Variants in COP1 observed in about 807,000 individuals in gnomAD.
COP1 encodes the protein E3 ubiquitin-protein ligase COP1.
In COP1, 24 loss-of-function variants were observed where a neutral mutation model predicts 101.3. The observed-to-expected ratio is 0.24, with a 90% CI of 0.17 to 0.33. The LOEUF is 0.33. Among genes scored for constraint, COP1 ranks in the 10% least tolerant of loss-of-function variants. The pLI is 1.00. For missense variants in COP1, 663 were observed against 906.2 expected, an observed-to-expected ratio of 0.73 and a Z score of 3.45; for synonymous variants, 347 against 341.9, an observed-to-expected ratio of 1.01 and a Z score of -0.17.
intron 15 of COP1, among the ~76,000 whole-genome samples, chr1:175,996,649 C>G (rs375468853): frequency 3.9e-5 from 6 of 151,980 alleles, no homozygotes; most frequent in Non-Finnish European, 8.8e-5. Context: ...CCATTCACAA[C>G]TGCTTCAAAG....
intron 13 of COP1, 117 bp downstream of exon 13, chr1:176,043,593 T>C: frequency 2.8e-6 from 2 of 704,234 alleles, no homozygotes; most frequent in South Asian, 1.8e-5. Context: ...GTTACACAGG[T>C]ATAAAAAATA....
At chr1:176,132,586 A>G (rs550219593) in intron 8 of COP1, among the ~76,000 whole-genome samples, 246 of 140,386 alleles carry the variant, frequency 1.8e-3, no homozygotes, top group African/African-American at 6.1e-3. Context: ...CTATATATAC[A>G]CACATATACA....
rs1349687644 is a variant in COP1 at position 175,987,056 on chromosome 1, T to C, written c.2020A>G (p.Thr674Ala). 9 of 1,586,598 alleles carry C rather than the reference T, an allele frequency of 5.7e-6. No individual in the cohort carries two copies. The highest frequency in any genetic ancestry group is 7.8e-6 in the Non-Finnish European group (9 of 1,156,934). ...GTATCAAACTTAAAAGTTAGCAAAG[T>C]CTTAGAAAGTCCTTTATAGTACAGG... ...LYLYYKGLSK[T>A]LLTFKFDTVK... is the part of the protein sequence containing the mutation. Residue 674 changes from threonine to alanine, a missense_variant, in exon 18 of 20, where the codon ACT becomes GCT. Coordinates refer to ENST00000367669, the MANE Select transcript of COP1 (RefSeq NM_022457.7).
intron 11 of COP1, among the ~76,000 whole-genome samples, chr1:176,052,900 C>A (rs116605721): frequency 6.6e-6 from 1 of 152,018 alleles, no homozygotes; most frequent in Admixed American, 6.6e-5. Flanking sequence ...ATGAGAGCAA[C>A]CTCATTTTTG....
At chr1:176,174,315 A>G (rs1696603540) in intron 3 of COP1, among the ~76,000 whole-genome samples, 1 of 152,186 alleles carries the variant, frequency 6.6e-6, no homozygotes, top group Non-Finnish European at 1.5e-5. Context: ...CCAAATTTAC[A>G]AGCACAGGGA....
intron 3 of COP1, among the ~76,000 whole-genome samples, chr1:176,172,684 T>C (rs114408259): frequency 6.6e-6 from 1 of 152,228 alleles, no homozygotes; most frequent in East Asian, 1.9e-4. Context: ...GCAGGCATTA[T>C]GCAAATCATG....
chr1:176,140,248 TAA>T (rs1690461768), intron 6 of COP1, among the ~76,000 whole-genome samples: 1 of 152,124 alleles, frequency 6.6e-6, no homozygotes, highest in African/African-American at 2.4e-5. Flanking sequence ...CTGCCAATAA[TAA>T]AACAATTTTT....
intron 15 of COP1, among the ~76,000 whole-genome samples, chr1:176,019,867 A>G (rs1666428122): frequency 6.6e-6 from 1 of 152,176 alleles, no homozygotes; most frequent in African/African-American, 2.4e-5. Context: ...GTCTCAAAAA[A>G]AAAATCACTA....
chr1:175,982,020 G>C (rs1655980103), intron 18 of COP1, among the ~76,000 whole-genome samples: 2 of 151,978 alleles, frequency 1.3e-5, no homozygotes, highest in Non-Finnish European at 2.9e-5. Context: ...AAAGATGAAA[G>C]ATAACAAGCG....
intron 18 of COP1, among the ~76,000 whole-genome samples, chr1:175,957,743 G>A (rs1317445761): frequency 2.0e-5 from 3 of 152,102 alleles, no homozygotes; most frequent in Non-Finnish European, 2.9e-5. Flanking sequence ...AATGTTTACA[G>A]CGGCTTTATT....
At chr1:175,982,145 T>C (rs1406077184) in intron 18 of COP1, among the ~76,000 whole-genome samples, 3 of 152,186 alleles carry the variant, frequency 2.0e-5, no homozygotes, top group Non-Finnish European at 4.4e-5. Context: ...AGAATGGCAA[T>C]ATGACCTAGC....
At position 176,027,554 on chromosome 1, in the gene COP1, T is replaced by C. The variant is rs368671990; in HGVS notation, c.1729+18A>G. 68 of 1,433,678 alleles carry C rather than the reference T, an allele frequency of 4.7e-5. No homozygotes were observed. In the African/African-American group the frequency reaches 8.5e-4, roughly 18 times the overall value. 88.8% of individuals were successfully genotyped at this position (1,433,678 alleles called of 1,614,324 possible). A position where few individuals can be genotyped will look rare whatever the true frequency, so the allele number is the denominator to read the frequency against. On this transcript the variant is annotated intron_variant, in intron 15 of 19. Coordinates refer to ENST00000367669, the MANE Select transcript of COP1 (RefSeq NM_022457.7). ...TTAACCAACATCAAAGGAAGACAAA[T>C]CTGCTTTCATTTCTTACCTGCACAG... is the stretch of plus-strand genomic sequence containing the variant.
chr1:176,037,706 G>A lies in COP1; in HGVS notation c.1612+5480C>T, dbSNP rs142556651. Among the ~76,000 whole-genome samples, 261 of 152,154 alleles carry A rather than the reference G, an allele frequency of 1.7e-3. 1 individual carries two copies. The highest frequency in any genetic ancestry group is 5.9e-3 in the African/African-American group (246 of 41,524). On this transcript the variant is annotated intron_variant, in intron 14 of 19. Coordinates refer to ENST00000367669, the MANE Select transcript of COP1 (RefSeq NM_022457.7). ...ATAAAGAGAAACTACATGATGATAC[G>A]TGCATAAAAAGTATTTAACAAAATT...
At chr1:176,101,192 T>C (rs1399517305) in intron 9 of COP1, among the ~76,000 whole-genome samples, 1 of 152,100 alleles carries the variant, frequency 6.6e-6, no homozygotes, top group Non-Finnish European at 1.5e-5. Flanking sequence ...TTGACACCCA[T>C]GGGTGGCACC....
At chr1:176,052,451 T>G (rs568118423) in intron 11 of COP1, among the ~76,000 whole-genome samples, 105 of 152,298 alleles carry the variant, frequency 6.9e-4, no homozygotes, top group Middle Eastern at 3.4e-3. Context: ...ACTCCTGAAA[T>G]TTCCCTCTTC....
intron 18 of COP1, among the ~76,000 whole-genome samples, chr1:175,950,944 T>C (rs1296548041): frequency 6.6e-6 from 1 of 152,172 alleles, no homozygotes; most frequent in Non-Finnish European, 1.5e-5. Flanking sequence ...AGGGTCATTA[T>C]AGACAATACA....
intron 15 of COP1, among the ~76,000 whole-genome samples, chr1:175,995,716 A>G (rs541748153): frequency 0.011 from 1,680 of 151,726 alleles, 28 homozygotes; most frequent in African/African-American, 0.037. Context: ...GAATCTCTGA[A>G]TAGACCAATA....
At chr1:175,964,102 T>C (rs6425368) in intron 18 of COP1, among the ~76,000 whole-genome samples, 114,372 of 152,018 alleles carry the variant, frequency 0.75, 44,925 homozygotes, top group East Asian at 0.92. Context: ...ATACTATTAA[T>C]CTAATTTCAC....
chr1:176,034,437 G>A (rs563846238), intron 14 of COP1, among the ~76,000 whole-genome samples: 5 of 152,234 alleles, frequency 3.3e-5, no homozygotes, highest in African/African-American at 1.2e-4. Flanking sequence ...GTGATATAAC[G>A]AATATGAAAA....
Sources: gnomAD v4.1 joint callset for allele counts (sites outside exome capture counted in the v4.1 genomes callset) on GRCh38, gnomAD v4.1.1 for gene constraint, MANE v1.5 for transcripts, NCBI Gene and HGNC (gene_info 2026-07-23, HGNC 2026-07-21) for gene names.